LHFPL6: variants seen among roughly 807,000 people sequenced by gnomAD.
The protein encoded by LHFPL6 is LHFPL tetraspan subfamily member 6 protein.
LHFPL6 carries 9 observed loss-of-function variants against 20.6 expected under a neutral mutation model. The observed-to-expected ratio is 0.44, with a 90% CI of 0.26 to 0.76. The LOEUF is 0.76. LHFPL6 is among the 30% of genes least tolerant of loss of function. The probability of loss-of-function intolerance (pLI) is 0.20; values close to 1 mark genes in which losing one functional copy is unlikely to be tolerated. For missense variants in LHFPL6, 218 were observed against 253.5 expected, an observed-to-expected ratio of 0.86 and a Z score of 0.95; for synonymous variants, 105 against 98.7, an observed-to-expected ratio of 1.06 and a Z score of -0.38.
At chr13:39,435,062 C>CAAAAAA (rs55701240) in intron 2 of LHFPL6, among the ~76,000 whole-genome samples, 69 of 53,136 alleles carry the variant, frequency 1.3e-3, no homozygotes, top group Middle Eastern at 0.015. Flanking sequence ...GACTCCGTCT[C>CAAAAAA]AAAAAAAAAA....
At chr13:39,418,401 T>TTTTCC (rs199555981) in intron 2 of LHFPL6, among the ~76,000 whole-genome samples, 1 of 145,358 alleles carries the variant, frequency 6.9e-6, no homozygotes, top group African/African-American at 2.6e-5. Flanking sequence ...TTTTTTTTTT[T>TTTTCC]CCAGAATGCC....
chr13:39,489,585 C>T (rs1868845736), intron 2 of LHFPL6, among the ~76,000 whole-genome samples: 1 of 151,382 alleles, frequency 6.6e-6, no homozygotes, highest in South Asian at 2.1e-4. Context: ...GATAGGGTCT[C>T]GCTCTGTTAC....
intron 2 of LHFPL6, among the ~76,000 whole-genome samples, chr13:39,421,748 T>TGG (rs1277136561): frequency 6.8e-5 from 4 of 58,774 alleles, no homozygotes; most frequent in Non-Finnish European, 1.6e-4. Flanking sequence ...AAAAGGATAT[T>TGG]GGGGAGAGGA....
At chr13:39,425,786 T>C (rs995121615) in intron 2 of LHFPL6, among the ~76,000 whole-genome samples, 3 of 152,226 alleles carry the variant, frequency 2.0e-5, no homozygotes, top group Non-Finnish European at 2.9e-5. Context: ...ACATACAATA[T>C]GCTAATATTT....
intron 2 of LHFPL6, among the ~76,000 whole-genome samples, chr13:39,396,192 G>T (rs1870837742): frequency 6.6e-6 from 1 of 152,110 alleles, no homozygotes; most frequent in African/African-American, 2.4e-5. Context: ...GCAGAGCAGA[G>T]ATGTTGCCCT....
intron 2 of LHFPL6, among the ~76,000 whole-genome samples, chr13:39,379,093 G>A (rs1247766234): frequency 6.6e-6 from 1 of 152,078 alleles, no homozygotes; most frequent in Admixed American, 6.6e-5. Context: ...ACGCATCTCA[G>A]AAAGTCTCAG....
intron 2 of LHFPL6, among the ~76,000 whole-genome samples, chr13:39,494,314 T>C (rs1284721484): frequency 1.3e-5 from 2 of 152,238 alleles, no homozygotes; most frequent in Non-Finnish European, 2.9e-5. Context: ...GTTCGTGGCA[T>C]TTTTTACCAT....
At chr13:39,574,376 G>A (rs1872041578) in intron 2 of LHFPL6, among the ~76,000 whole-genome samples, 1 of 151,718 alleles carries the variant, frequency 6.6e-6, no homozygotes, top group Admixed American at 6.6e-5. Context: ...CAGCTACTCA[G>A]GAGGCTGAGG....
At position 39,344,325 on chromosome 13, in the gene LHFPL6, T is replaced by C. The variant is rs145367461; in HGVS notation, c.485-271A>G. ...CCAATATCCACACCCTGGCCAAAAA[T>C]AGAGAAGAATGGCAGCAACCAGGAT... On this transcript the variant is annotated intron_variant, in intron 3 of 3. Transcript: ENST00000379589. Among the ~76,000 whole-genome samples, 799 of 152,166 alleles carry C rather than the reference T, an allele frequency of 5.3e-3. 3 individuals carry two copies. Among genetic ancestry groups the C allele is most frequent in the Non-Finnish European group, 8.2e-3 (556 of 68,004 alleles).
chr13:39,358,125 C>T (rs1331618274), intron 3 of LHFPL6, among the ~76,000 whole-genome samples: 1 of 152,162 alleles, frequency 6.6e-6, no homozygotes, highest in African/African-American at 2.4e-5. Flanking sequence ...CTGGAGGCAT[C>T]ACATTACCTG....
intron 2 of LHFPL6, among the ~76,000 whole-genome samples, chr13:39,525,989 A>G (rs1870274428): frequency 6.6e-6 from 1 of 152,194 alleles, no homozygotes; most frequent in Non-Finnish European, 1.5e-5. Flanking sequence ...CAAAAGCAAC[A>G]TCTTAGACAG....
intron 2 of LHFPL6, among the ~76,000 whole-genome samples, chr13:39,584,616 T>C (rs948856968): frequency 2.6e-5 from 4 of 151,728 alleles, no homozygotes; most frequent in African/African-American, 9.7e-5. Flanking sequence ...CTAGAGTTAA[T>C]ATTCTTCTTT....
chr13:39,485,527 G>T (rs80011633), intron 2 of LHFPL6, among the ~76,000 whole-genome samples: 2,054 of 152,236 alleles, frequency 0.013, 42 homozygotes, highest in African/African-American at 0.047. Flanking sequence ...CTAGAGCCCT[G>T]ATAGAATTCT....
intron 3 of LHFPL6, among the ~76,000 whole-genome samples, chr13:39,369,858 T>C (rs904719911): frequency 6.6e-6 from 1 of 152,124 alleles, no homozygotes; most frequent in Admixed American, 6.6e-5. Context: ...CAGGTTCATC[T>C]GGGATCTGCA....
chr13:39,408,564 T>G (rs920459815), intron 2 of LHFPL6, among the ~76,000 whole-genome samples: 3 of 152,270 alleles, frequency 2.0e-5, no homozygotes, highest in Non-Finnish European at 2.9e-5. Flanking sequence ...TCTCCCATAA[T>G]TTGGGCCGAT....
intron 2 of LHFPL6, among the ~76,000 whole-genome samples, chr13:39,449,942 T>A (rs1872397778): frequency 6.6e-6 from 1 of 152,114 alleles, no homozygotes; most frequent in Non-Finnish European, 1.5e-5. Context: ...ATCTCCTTTA[T>A]CCACAAATAC....
intron 2 of LHFPL6, among the ~76,000 whole-genome samples, chr13:39,492,932 G>A (rs576991146): frequency 5.3e-5 from 8 of 151,936 alleles, no homozygotes; most frequent in Admixed American, 2.6e-4. Context: ...CTCCCACCTC[G>A]GCCTCCCAAA....
chr13:39,535,193 ATCTT>A (rs1370323115), intron 2 of LHFPL6, among the ~76,000 whole-genome samples: 1 of 152,256 alleles, frequency 6.6e-6, no homozygotes, highest in Non-Finnish European at 1.5e-5. Context: ...TAATGACTTT[ATCTT>A]AACTTGATTA....
chr13:39,482,513 C>T (rs1452708386), intron 2 of LHFPL6, among the ~76,000 whole-genome samples: 2 of 151,310 alleles, frequency 1.3e-5, no homozygotes, highest in Non-Finnish European at 2.9e-5. Flanking sequence ...ATAAGAATAG[C>T]TTGTGATTTA....
Sources: allele counts gnomAD v4.1 joint callset (sites outside exome capture counted in the v4.1 genomes callset), GRCh38; gene constraint gnomAD v4.1.1; transcripts MANE v1.5; gene names NCBI Gene and HGNC (gene_info 2026-07-23, HGNC 2026-07-21).